KRT74: variants seen among roughly 807,000 people sequenced by gnomAD.
KRT74 encodes the protein keratin, type II cytoskeletal 74.
A neutral mutation model predicts 42.7 loss-of-function variants in KRT74; 43 were observed. That is an observed-to-expected ratio of 1.01 (90% CI 0.79 to 1.30). The LOEUF (loss-of-function observed/expected upper bound fraction) is 1.30. Ranked by LOEUF, KRT74 falls within the 50% of genes most tolerant of loss-of-function variation. KRT74 has a pLI of 0.00. For missense variants in KRT74, 736 were observed against 689.1 expected, an observed-to-expected ratio of 1.07 and a Z score of -0.76; for synonymous variants, 302 against 279.0, an observed-to-expected ratio of 1.08 and a Z score of -0.82.
At chr12:52,570,180 A>C (rs1476268632) in intron 5 of KRT74, among the ~76,000 whole-genome samples, 196 bp from the exon 6 acceptor site, 1 of 151,912 alleles carries the variant, frequency 6.6e-6, no homozygotes, top group African/African-American at 2.4e-5. Flanking sequence ...TACTCAGTTT[A>C]CCCAAAGCAT....
Position 52,573,366 on chromosome 12 carries a change from C to A in KRT74, c.412G>T (p.Ala138Ser). 6.2e-7 allele frequency: 1 copy of A among 1,614,216 alleles called. No individual in the cohort carries two copies. Among genetic ancestry groups the A allele is most frequent in the Non-Finnish European group, 8.5e-7 (1 of 1,180,044 alleles). Reference protein sequence around the residue: ...ELDPEIQKVRAQEREQIKVLN... With the variant: ...ELDPEIQKVRSQEREQIKVLN... ...ACCTTGATCTGTTCCCGCTCCTGGG[C>A]GCGCACCTTCTGGATCTCAGGGTCC... is the stretch of plus-strand genomic sequence containing the variant. The change falls in exon 1 of 9, where the codon GCC becomes TCC. Residue 138 changes from alanine (A) to serine (S), a missense_variant. Ala to Ser is a moderately conservative substitution (Grantham distance 99). Transcript: ENST00000305620.
Position 52,567,706 on chromosome 12 carries a change from AAGTT to A in KRT74, c.1356-17_1356-14del. 6.2e-7 allele frequency: 1 copy of A among 1,603,630 alleles called. No homozygotes were observed. The highest frequency in any genetic ancestry group is 8.5e-7 in the Non-Finnish European group (1 of 1,170,534). On this transcript the variant is annotated splice_polypyrimidine_tract_variant and intron_variant, in intron 7 of 8. Transcript: ENST00000305620. Reference sequence around the variant, plus strand: ...CTCACCAGACATCCTGTGAGACAGAAAGTTAGAGAAAGATAAAAACTCAGTGTCG... The same window carrying A: ...CTCACCAGACATCCTGTGAGACAGAAAGAGAAAGATAAAAACTCAGTGTCG...
intron 4 of KRT74, 103 bp downstream of exon 4, chr12:52,571,256 A>T (rs1376253208): frequency 1.2e-6 from 1 of 841,040 alleles, no homozygotes; most frequent in Non-Finnish European, 2.1e-6. Flanking sequence ...CTTTCTACCA[A>T]AACATCTTTC....
chr12:52,569,738 G>C lies in KRT74; in HGVS notation c.1134+121C>G, dbSNP rs1939441551. ...GCAGGGTGGGAAAGGGAGACTGTGG[G>C]TGGCCGAGGGACCCCTAAGCCCAGC... On this transcript the variant is annotated intron_variant, in intron 6 of 8. Transcript: ENST00000305620. The C allele has an allele frequency of 1.6e-5, 20 of 1,282,972 alleles. No individual in the cohort carries two copies. The South Asian group carries it at 2.2e-4, about 14-fold the overall frequency. The allele number at this position is 1,282,972 out of a possible 1,614,324, so 79.5% of individuals were successfully genotyped here. A position where few individuals can be genotyped will look rare whatever the true frequency, so the allele number is the denominator to read the frequency against.
In KRT74 at chr12:52,568,278, C is replaced by T. The variant is rs376231388; in HGVS notation, c.1246G>A (p.Glu416Lys). The change falls in exon 7 of 9, where the codon GAG becomes AAG. Residue 416 changes from glutamate (E) to lysine (K), a missense_variant. By Grantham distance (56) the Glu-to-Lys change is moderately conservative (BLOSUM62 1). Coordinates refer to ENST00000305620, the MANE Select transcript of KRT74 (RefSeq NM_175053.4). ...ELEGALHQAK[E>K]ELARMLREYQ... Reference sequence around the variant, plus strand: ...TCGCGCAGCATCCGCGCCAGCTCCTCCTTGGCCTGGTGCAGGGCGCCCTCC... The same window carrying T: ...TCGCGCAGCATCCGCGCCAGCTCCTTCTTGGCCTGGTGCAGGGCGCCCTCC... 30 of 1,614,102 alleles carry T rather than the reference C, an allele frequency of 1.9e-5. No homozygotes were observed. The highest frequency in any genetic ancestry group is 2.5e-5 in the Non-Finnish European group (30 of 1,180,044).
chr12:52,572,776 G>A (rs1337882283), intron 1 of KRT74, 109 bp from the exon 2 acceptor site: 2 of 1,017,046 alleles, frequency 2.0e-6, no homozygotes, highest in African/African-American at 1.6e-5. Context: ...AGTCATTTTT[G>A]CTCATGTCTT....
intron 6 of KRT74, chr12:52,568,631 T>C (rs773794533): frequency 3.4e-6 from 2 of 581,200 alleles, no homozygotes; most frequent in Non-Finnish European, 6.1e-6. Flanking sequence ...ATGTCGATGT[T>C]TGCAAAGTTA....
intron 6 of KRT74, among the ~76,000 whole-genome samples, chr12:52,568,935 A>G (rs1421537284): frequency 2.0e-5 from 3 of 152,188 alleles, no homozygotes; most frequent in African/African-American, 4.8e-5. Context: ...TATAGGCACA[A>G]CCTCAGAAGC....
chr12:52,571,214 C>A, intron 4 of KRT74, 145 bp downstream of exon 4: 1 of 686,438 alleles, frequency 1.5e-6, no homozygotes. Flanking sequence ...GCATCCTGCA[C>A]TTCCATGGTC....
Position 52,568,228 on chromosome 12 carries a change from T to C in KRT74, c.1296A>G (p.Lys432=). 2 of 1,614,194 alleles carry C rather than the reference T, an allele frequency of 1.2e-6. No individual in the cohort carries two copies. The highest frequency in any genetic ancestry group is 1.7e-5 in the Admixed American group (1 of 60,030). Residue 432 remains lysine (K), a synonymous_variant, in exon 7 of 9, where the codon AAA becomes AAG. Coordinates refer to ENST00000305620, the MANE Select transcript of KRT74 (RefSeq NM_175053.4). ...LREYQELMSL[K]LALDMEIATY... ...TGGCAATCTCCATGTCCAGGGCCAG[T>C]TTCAGGCTCATGAGCTCCTGGTACT...
chr12:52,573,773 C>T lies in KRT74; in HGVS notation c.5G>A (p.Ser2Asn). 1 of 1,613,098 alleles carries T rather than the reference C, an allele frequency of 6.2e-7. No individual in the cohort carries two copies. The highest frequency in any genetic ancestry group is 8.5e-7 in the Non-Finnish European group (1 of 1,179,450). The change falls in exon 1 of 9, where the codon AGT (serine) becomes AAT (asparagine). Residue 2 changes from serine to asparagine, a missense_variant. Physicochemically the swap from Ser to Asn is conservative, Grantham distance 46. Coordinates refer to ENST00000305620, the MANE Select transcript of KRT74 (RefSeq NM_175053.4). ...ACTGGACTTGATGTTCAGTTGCCGA[C>T]TCATGGTGGGAAAGGTTGAGTTGAC... M[S>N]RQLNIKSSGD... is the part of the protein sequence containing the mutation.
In KRT74 at chr12:52,566,706, T is replaced by A; in HGVS notation, c.*263A>T. On this transcript the variant is annotated 3_prime_UTR_variant, in exon 9 of 9. Transcript: ENST00000305620. ...TTCCTTAGGGCCAAGAAGGTTATAATGGCTTGTGCCTCCAAAGCCTCCTGC... is the reference window on the plus strand; with the variant it reads ...TTCCTTAGGGCCAAGAAGGTTATAAAGGCTTGTGCCTCCAAAGCCTCCTGC... 1 of 410,938 alleles carries A rather than the reference T, an allele frequency of 2.4e-6. No individual in the cohort carries two copies. Among genetic ancestry groups the A allele is most frequent in the Non-Finnish European group, 4.3e-6 (1 of 230,600 alleles). 25.5% of individuals were successfully genotyped at this position (410,938 alleles called of 1,614,324 possible).
intron 7 of KRT74, 27 bp from the exon 8 acceptor site, chr12:52,567,720 T>C: frequency 6.3e-7 from 1 of 1,589,230 alleles, no homozygotes; most frequent in East Asian, 2.2e-5. Flanking sequence ...TAGAGAAAGA[T>C]AAAAACTCAG....
intron 2 of KRT74, 104 bp from the exon 3 acceptor site, chr12:52,572,108 T>C (rs914562433): frequency 4.5e-6 from 4 of 880,748 alleles, no homozygotes; most frequent in African/African-American, 3.3e-5. Flanking sequence ...GCAGGGTCTC[T>C]GGGGTGAGCA....
chr12:52,571,102 G>A (rs1939471828), intron 4 of KRT74, among the ~76,000 whole-genome samples: 1 of 152,230 alleles, frequency 6.6e-6, no homozygotes, highest in Admixed American at 6.5e-5. Context: ...CCAAGGCTCT[G>A]TGCTTTGTAA....
At chr12:52,570,936 T>C (rs547601513) in intron 4 of KRT74, 103 bp from the exon 5 acceptor site, 7 of 1,315,494 alleles carry the variant, frequency 5.3e-6, no homozygotes, top group South Asian at 3.7e-5. Flanking sequence ...GCTGCTAGGA[T>C]CCACGGGGAC....
In KRT74 at chr12:52,566,407, T is replaced by C. The variant is rs1939381825; in HGVS notation, c.*562A>G. The C allele has an allele frequency of 6.6e-6, 1 of 152,280 alleles. No homozygotes were observed. Among genetic ancestry groups the C allele is most frequent in the African/African-American group, 2.4e-5 (1 of 41,430 alleles). The allele number at this position is 152,280 out of a possible 1,614,324, so 9.4% of individuals were successfully genotyped here. On this transcript the variant is annotated 3_prime_UTR_variant, in exon 9 of 9. Transcript: ENST00000305620. ...CTGGCAGAGAATCCCCAATACACCTTCACTTGGCTTTGTGGAGATGGGTGC... is the reference window on the plus strand; with the variant it reads ...CTGGCAGAGAATCCCCAATACACCTCCACTTGGCTTTGTGGAGATGGGTGC...
In KRT74 at chr12:52,570,824, G is replaced by A. The variant is rs147781415; in HGVS notation, c.853C>T (p.Gln285Ter). Reference protein sequence around the residue: ...LKCLYDAEIAQIQTHASETSV... With the variant: ...LKCLYDAEIA ...GTCTCACTGGCGTGAGTCTGGATCT[G>A]AGCGATCTCCTGCATTGAGAGAGGA... Residue 285 changes from glutamine to a stop codon, truncating the protein, a stop_gained, in exon 5 of 9, where the codon CAG (glutamine) becomes TAG (stop). Coordinates refer to ENST00000305620, the MANE Select transcript of KRT74 (RefSeq NM_175053.4). LOFTEE classifies it high-confidence loss of function. 2.9e-5 allele frequency: 47 copies of A among 1,614,246 alleles called. No individual in the cohort carries two copies. In the African/African-American group the frequency reaches 4.7e-4, roughly 16 times the overall value.
rs1939501678 is a variant in KRT74 at position 52,572,448 on chromosome 12, C to T, written c.686+5G>A. 6.2e-7 allele frequency: 1 copy of T among 1,613,784 alleles called. No individual in the cohort carries two copies. Among genetic ancestry groups the T allele is most frequent in the Admixed American group, 1.7e-5 (1 of 60,002 alleles). ...GTCTGTGACCCTCGGGTGGAGCCTGCTCACCTCTTCTTATAGTCCTCCACC... is the reference window on the plus strand; with the variant it reads ...GTCTGTGACCCTCGGGTGGAGCCTGTTCACCTCTTCTTATAGTCCTCCACC... On this transcript the variant is annotated splice_donor_5th_base_variant and intron_variant, in intron 2 of 8. Transcript: ENST00000305620.
Sources: gnomAD v4.1 joint callset for allele counts (sites outside exome capture counted in the v4.1 genomes callset) on GRCh38, gnomAD v4.1.1 for gene constraint, MANE v1.5 for transcripts, NCBI Gene and HGNC (gene_info 2026-07-23, HGNC 2026-07-21) for gene names.